The following NPR3 variants were observed in gnomAD, a reference collection of about 807,000 sequenced individuals.
NPR3 encodes atrial natriuretic peptide receptor 3.
NPR3 carries 34 observed loss-of-function variants against 54.5 expected under a neutral mutation model. The ratio of observed to expected loss-of-function variants is 0.62; its 90% CI spans 0.47 to 0.83. The LOEUF (loss-of-function observed/expected upper bound fraction) is 0.83. Ranked by LOEUF, NPR3 falls within the 40% of genes least tolerant of loss-of-function variation. The pLI is 0.00. For synonymous variants in NPR3, 289 were observed against 297.1 expected, an observed-to-expected ratio of 0.97 and a Z score of 0.28; for missense variants, 674 against 720.8, an observed-to-expected ratio of 0.94 and a Z score of 0.74.
At chr5:32,750,141 C>T (rs544596224) in intron 3 of NPR3, among the ~76,000 whole-genome samples, 152 of 152,268 alleles carry the variant, frequency 1.0e-3, no homozygotes, top group African/African-American at 3.5e-3. Flanking sequence ...GAACTTCCAA[C>T]ATTTTGTTGA....
At chr5:32,756,476 TGAG>T (rs984272462) in intron 3 of NPR3, among the ~76,000 whole-genome samples, 2 of 152,254 alleles carry the variant, frequency 1.3e-5, no homozygotes, top group African/African-American at 4.8e-5. Flanking sequence ...TAAATTTGTT[TGAG>T]TTCTTTGTAG....
chr5:32,702,059 AG>A (rs1307415807), intron 1 of NPR3, among the ~76,000 whole-genome samples: 1 of 152,206 alleles, frequency 6.6e-6, no homozygotes, highest in East Asian at 1.9e-4. Flanking sequence ...CAAGGCCCTG[AG>A]GCTCTACAAT....
intron 1 of NPR3, among the ~76,000 whole-genome samples, chr5:32,703,955 A>G (rs1410897252): frequency 6.6e-6 from 1 of 152,214 alleles, no homozygotes; most frequent in Non-Finnish European, 1.5e-5. Flanking sequence ...CCTGTGGCCT[A>G]GACTGTCTTT....
chr5:32,784,893 G>A lies in NPR3; in HGVS notation c.1514+10G>A. The A allele has an allele frequency of 6.3e-7, 1 of 1,584,272 alleles. No homozygotes were observed. The highest frequency in any genetic ancestry group is 1.1e-5 in the South Asian group (1 of 90,494). On this transcript the variant is annotated intron_variant, in intron 7 of 7. Coordinates refer to ENST00000265074, the MANE Select transcript of NPR3 (RefSeq NM_001204375.2). ...CCTTCTACTTTTTCAGGTGAGGACGGTTTGTAAAGGTACAATTCACTCTCT... is the reference window on the plus strand; with the variant it reads ...CCTTCTACTTTTTCAGGTGAGGACGATTTGTAAAGGTACAATTCACTCTCT...
At chr5:32,738,777 T>G in intron 2 of NPR3, 87 bp from the exon 3 acceptor site, 1 of 1,200,564 alleles carries the variant, frequency 8.3e-7, no homozygotes, top group Non-Finnish European at 1.2e-6. Flanking sequence ...AAAAGTAACA[T>G]GCGGGGGCGC....
In NPR3 at chr5:32,724,818, A is replaced by T; in HGVS notation, c.890A>T (p.Tyr297Phe). 6.2e-7 allele frequency: 1 copy of T among 1,613,702 alleles called. No individual in the cohort carries two copies. Among genetic ancestry groups the T allele is most frequent in the Non-Finnish European group, 8.5e-7 (1 of 1,179,816 alleles). ...FNIELFNSSS[Y>F]GDGSWKRGDK... ...ATTGAGCTCTTCAACAGCTCTTCCT[A>T]TGGTAACTCTGCTTCCACTTTCCCC... The change falls in exon 2 of 8, where the codon TAT (tyrosine) becomes TTT (phenylalanine). Residue 297 changes from tyrosine to phenylalanine, a missense_variant and splice_region_variant. Physicochemically the swap from Tyr to Phe is conservative, Grantham distance 22. Transcript: ENST00000265074.
At chr5:32,770,025 A>G (rs1741671603) in intron 3 of NPR3, among the ~76,000 whole-genome samples, 2 of 152,220 alleles carry the variant, frequency 1.3e-5, no homozygotes, top group Non-Finnish European at 2.9e-5. Context: ...ATGATAGAGG[A>G]TCTAAAAAAA....
In NPR3 at chr5:32,742,723, C is replaced by T. The variant is rs545058699; in HGVS notation, c.1059+3693C>T. Reference sequence around the variant, plus strand: ...GATGTTTGCTGTGGGGTTCGGGGGACACTCTTTATTAGACTGTGGCAGTTC... The same window carrying T: ...GATGTTTGCTGTGGGGTTCGGGGGATACTCTTTATTAGACTGTGGCAGTTC... On this transcript the variant is annotated intron_variant, in intron 3 of 7. Transcript: ENST00000265074. 1.1e-4 allele frequency among the ~76,000 whole-genome samples: 16 copies of T among 152,220 alleles called. No homozygotes were observed. The East Asian group carries it at 2.9e-3, about 28-fold the overall frequency.
intron 3 of NPR3, among the ~76,000 whole-genome samples, chr5:32,764,530 G>T (rs973684743): frequency 2.6e-5 from 4 of 152,080 alleles, no homozygotes; most frequent in African/African-American, 9.7e-5. Flanking sequence ...GCTCCTGTCT[G>T]TAATCCCAGC....
chr5:32,730,115 G>A lies in NPR3; in HGVS notation c.892+5295G>A, dbSNP rs115108358. 3.9e-3 allele frequency among the ~76,000 whole-genome samples: 586 copies of A among 151,864 alleles called. 3 individuals carry two copies. The highest frequency in any genetic ancestry group is 0.014 in the African/African-American group (560 of 41,400). On this transcript the variant is annotated intron_variant, in intron 2 of 7. Transcript: ENST00000265074. ...CACTTAAAAAAAAAGTTTTCACTATGACCAAGCGGGGTTTATCCCAGGGAT... is the reference window on the plus strand; with the variant it reads ...CACTTAAAAAAAAAGTTTTCACTATAACCAAGCGGGGTTTATCCCAGGGAT...
chr5:32,719,907 T>C (rs1321872842), intron 1 of NPR3, among the ~76,000 whole-genome samples: 1 of 152,134 alleles, frequency 6.6e-6, no homozygotes, highest in Non-Finnish European at 1.5e-5. Flanking sequence ...CATACTCTGC[T>C]TTGCTTCCAT....
At chr5:32,776,776 G>C (rs558382603) in intron 4 of NPR3, among the ~76,000 whole-genome samples, 1 of 152,130 alleles carries the variant, frequency 6.6e-6, no homozygotes, top group South Asian at 2.1e-4. Context: ...ACATGCCAGT[G>C]GGGGGATGAG....
intron 3 of NPR3, among the ~76,000 whole-genome samples, chr5:32,752,606 A>T (rs1740635503): frequency 6.6e-6 from 1 of 152,212 alleles, no homozygotes; most frequent in Admixed American, 6.5e-5. Flanking sequence ...CCATATAAAA[A>T]GGTCCTTTCA....
intron 3 of NPR3, among the ~76,000 whole-genome samples, chr5:32,772,842 A>T (rs1383064562): frequency 6.6e-6 from 1 of 152,168 alleles, no homozygotes; most frequent in Non-Finnish European, 1.5e-5. Context: ...CATTTTCCAG[A>T]TGAGGAAACC....
chr5:32,715,439 C>T (rs961491523), intron 1 of NPR3, among the ~76,000 whole-genome samples: 1 of 151,926 alleles, frequency 6.6e-6, no homozygotes, highest in South Asian at 2.1e-4. Flanking sequence ...AATAATAATG[C>T]GACTAAAATT....
In NPR3 at chr5:32,719,334, CA is replaced by C. The variant is rs1376766601; in HGVS notation, c.770-5362del. ...TTTTGTTTTGTTGGACCACATCCTC[CA>C]AGAGCTTTCTGAGAAAGGATGAATA... On this transcript the variant is annotated intron_variant, in intron 1 of 7. Coordinates refer to ENST00000265074, the MANE Select transcript of NPR3 (RefSeq NM_001204375.2). 2.6e-5 allele frequency among the ~76,000 whole-genome samples: 4 copies of C among 152,222 alleles called. No individual in the cohort carries two copies. In the South Asian group the frequency reaches 8.3e-4, roughly 32 times the overall value.
intron 3 of NPR3, among the ~76,000 whole-genome samples, chr5:32,766,895 CTGT>C (rs918412631): frequency 1.3e-4 from 20 of 152,306 alleles, no homozygotes; most frequent in African/African-American, 4.3e-4. Context: ...CTGAGTCAAG[CTGT>C]TGTTAGCTGT....
chr5:32,733,140 C>T lies in NPR3; in HGVS notation c.893-5724C>T, dbSNP rs117625164. 1.1e-4 allele frequency among the ~76,000 whole-genome samples: 17 copies of T among 152,120 alleles called. No individual in the cohort carries two copies. The East Asian group carries it at 1.2e-3, about 10-fold the overall frequency. ...GATTACAGACGTGAGCCACCGTGCC[C>T]GGCCAAGGCATCTAATTTTAGTCAC... On this transcript the variant is annotated intron_variant, in intron 2 of 7. Transcript: ENST00000265074.
chr5:32,719,910 G>C (rs1738764502), intron 1 of NPR3, among the ~76,000 whole-genome samples: 1 of 150,818 alleles, frequency 6.6e-6, no homozygotes, highest in Non-Finnish European at 1.5e-5. Context: ...ACTCTGCTTT[G>C]CTTCCATGCA....
Sources: allele counts gnomAD v4.1 joint callset (sites outside exome capture counted in the v4.1 genomes callset), GRCh38; gene constraint gnomAD v4.1.1; transcripts MANE v1.5; gene names NCBI Gene and HGNC (gene_info 2026-07-23, HGNC 2026-07-21).